LRRC7: variants seen among roughly 807,000 people sequenced by gnomAD.
LRRC7 encodes leucine rich repeat containing 7.
A neutral mutation model predicts 175.7 loss-of-function variants in LRRC7; 23 were observed. The observed-to-expected ratio is 0.13, with a 90% confidence interval of 0.09 to 0.19. LRRC7 has a LOEUF of 0.19. LRRC7 is among the 10% of genes least tolerant of loss of function. The pLI is 1.00. For synonymous variants in LRRC7, 685 were observed against 680.9 expected (o/e 1.01, Z -0.09); for missense variants, 1,354 against 1,904.7 (o/e 0.71, Z 5.38).
At chr1:69,691,681 C>T (rs1409346877) in intron 2 of LRRC7, among the ~76,000 whole-genome samples, 1 of 150,988 alleles carries the variant, frequency 6.6e-6, no homozygotes, top group South Asian at 2.1e-4. Flanking sequence ...GCCTGTAGTC[C>T]CAGATACTCA....
chr1:69,724,154 G>A (rs1666670427), intron 2 of LRRC7, among the ~76,000 whole-genome samples: 1 of 151,952 alleles, frequency 6.6e-6, no homozygotes, highest in African/African-American at 2.4e-5. Flanking sequence ...TTCCTCATCT[G>A]TGAAAAAAAT....
intron 1 of LRRC7, among the ~76,000 whole-genome samples, chr1:69,588,486 G>A (rs1371093137): frequency 6.6e-6 from 1 of 152,014 alleles, no homozygotes; most frequent in African/African-American, 2.4e-5. Context: ...ATGTAGTTTT[G>A]TAAATTGAAT....
intron 7 of LRRC7, among the ~76,000 whole-genome samples, chr1:69,894,602 G>A (rs1645926415): frequency 6.6e-6 from 1 of 152,032 alleles, no homozygotes; most frequent in Non-Finnish European, 1.5e-5. Context: ...AATGTCTATG[G>A]ACAGATGAAT....
chr1:69,786,123 C>A (rs1407723882), intron 3 of LRRC7, among the ~76,000 whole-genome samples: 2 of 151,932 alleles, frequency 1.3e-5, no homozygotes, highest in Non-Finnish European at 2.9e-5. Context: ...GCAGTGTTAT[C>A]TATGAGACAA....
At chr1:70,054,387 A>G (rs2102066163) in intron 23 of LRRC7, among the ~76,000 whole-genome samples, 1 of 152,238 alleles carries the variant, frequency 6.6e-6, no homozygotes, top group Non-Finnish European at 1.5e-5. Context: ...TCCCAAAACA[A>G]GCAAAACTCA....
intron 3 of LRRC7, among the ~76,000 whole-genome samples, chr1:69,791,277 A>G (rs1675078865): frequency 6.6e-6 from 1 of 152,026 alleles, no homozygotes. Context: ...CAAAGTTTCC[A>G]GATCACCGGT....
chr1:69,938,269 A>G (rs887772293), intron 8 of LRRC7, among the ~76,000 whole-genome samples: 4 of 152,164 alleles, frequency 2.6e-5, no homozygotes, highest in Non-Finnish European at 5.9e-5. Context: ...AAATTCAGCC[A>G]TCCACAAACT....
At chr1:69,652,854 T>C (rs1427011903) in intron 1 of LRRC7, among the ~76,000 whole-genome samples, 1 of 152,150 alleles carries the variant, frequency 6.6e-6, no homozygotes, top group East Asian at 1.9e-4. Context: ...AAATGATCTT[T>C]GTCAATGGCA....
At chr1:69,966,692 C>T (rs1361770965) in intron 8 of LRRC7, among the ~76,000 whole-genome samples, 1 of 152,152 alleles carries the variant, frequency 6.6e-6, no homozygotes, top group Non-Finnish European at 1.5e-5. Flanking sequence ...GATTGTCCGC[C>T]CCGAGCACAT....
At chr1:69,946,278 A>G (rs1649300590) in intron 8 of LRRC7, among the ~76,000 whole-genome samples, 1 of 152,186 alleles carries the variant, frequency 6.6e-6, no homozygotes, top group South Asian at 2.1e-4. Context: ...CATTTCAAAT[A>G]TTGATTTGCA....
At chr1:70,071,909 T>G (rs2102117500) in intron 23 of LRRC7, among the ~76,000 whole-genome samples, 1 of 152,338 alleles carries the variant, frequency 6.6e-6, no homozygotes, top group Non-Finnish European at 1.5e-5. Context: ...CCATGTCTTT[T>G]ATATTATACA....
chr1:69,847,590 C>G (rs1248051258), intron 7 of LRRC7, among the ~76,000 whole-genome samples: 2 of 152,056 alleles, frequency 1.3e-5, no homozygotes, highest in African/African-American at 4.8e-5. Flanking sequence ...TTATTATACA[C>G]TGCCTAATGA....
At chr1:69,606,876 G>T (rs1299302061) in intron 1 of LRRC7, 1 of 152,052 alleles carries the variant, frequency 6.6e-6, no homozygotes, top group African/African-American at 2.4e-5. Context: ...AAGATTTCAA[G>T]AAACAAATTT....
rs1659675470 is a variant in LRRC7, at chr1:70,039,509, G to A, written c.3685G>A (p.Val1229Ile). 1 of 1,613,984 alleles carries A rather than the reference G, an allele frequency of 6.2e-7. No individual in the cohort carries two copies. The highest frequency in any genetic ancestry group is 1.7e-5 in the Admixed American group (1 of 60,000). ...EVKAQAGSFPVKNLTQRRPLS... is the reference protein window; with the variant it reads ...EVKAQAGSFPIKNLTQRRPLS... Reference sequence around the variant, plus strand: ...GAAAGCTCAGGCGGGAAGTTTTCCGGTTAAAAACCTTACCCAAAGGAGGCC... The same window carrying A: ...GAAAGCTCAGGCGGGAAGTTTTCCGATTAAAAACCTTACCCAAAGGAGGCC... Residue 1229 changes from valine to isoleucine, a missense_variant, in exon 21 of 27, where the codon GTT (valine) becomes ATT (isoleucine). By Grantham distance (29) the Val-to-Ile change is conservative. Coordinates refer to ENST00000651989, the MANE Select transcript of LRRC7 (RefSeq NM_001370785.2).
intron 1 of LRRC7, among the ~76,000 whole-genome samples, chr1:69,592,529 C>T (rs1646679778): frequency 1.3e-5 from 2 of 152,022 alleles, no homozygotes; most frequent in South Asian, 4.1e-4. Context: ...TGTAAATGTT[C>T]CATCTAGCTG....
chr1:69,871,677 C>T (rs534986076), intron 7 of LRRC7, among the ~76,000 whole-genome samples: 1 of 151,996 alleles, frequency 6.6e-6, no homozygotes, highest in Admixed American at 6.6e-5. Flanking sequence ...ATGGCTATAT[C>T]AATCTGTAAA....
At chr1:69,765,567 C>T (rs886724820) in intron 3 of LRRC7, among the ~76,000 whole-genome samples, 12 of 152,004 alleles carry the variant, frequency 7.9e-5, no homozygotes, top group Non-Finnish European at 1.3e-4. Context: ...CTGGAAAGTT[C>T]TAATTTTTAG....
intron 21 of LRRC7, among the ~76,000 whole-genome samples, chr1:70,043,676 A>G (rs1184880642): frequency 6.6e-6 from 1 of 152,220 alleles, no homozygotes; most frequent in African/African-American, 2.4e-5. Context: ...ATCACGATGT[A>G]TAAGAGACAG....
rs1011118516 is a variant in LRRC7 at position 69,568,279 on chromosome 1, ACCGCCG to A, written c.-347_-342del. The A allele has an allele frequency of 1.5e-5, 3 of 206,226 alleles. No individual in the cohort carries two copies. The highest frequency in any genetic ancestry group is 1.9e-5 in the Non-Finnish European group (2 of 107,004). The allele number at this position is 206,226 out of a possible 1,614,324, so 12.8% of individuals were successfully genotyped here. ...GCGGGGAGGGAGCTGCGCCTCCGCC[ACCGCCG>A]CCGCCGCCGCCGCTGCTGCTGCGGT... On this transcript the variant is annotated 5_prime_UTR_variant, in exon 1 of 27. Coordinates refer to ENST00000651989, the MANE Select transcript of LRRC7 (RefSeq NM_001370785.2).
Sources: allele counts gnomAD v4.1 joint callset (sites outside exome capture counted in the v4.1 genomes callset), GRCh38; gene constraint gnomAD v4.1.1; transcripts MANE v1.5; gene names NCBI Gene and HGNC (gene_info 2026-07-23, HGNC 2026-07-21).